CGNL1: variants seen among roughly 807,000 people sequenced by gnomAD.
CGNL1 encodes the protein cingulin like 1, also known as cingulin-like protein 1.
A neutral mutation model predicts 141.2 loss-of-function variants in CGNL1; 132 were observed. That is an observed-to-expected ratio of 0.93 (90% CI 0.81 to 1.08). The LOEUF (loss-of-function observed/expected upper bound fraction) is 1.08, where lower values mean the gene tolerates loss of function less well. Ranked by LOEUF, CGNL1 falls within the 50% of genes least tolerant of loss-of-function variation. The pLI, the probability that CGNL1 is intolerant of heterozygous loss-of-function variation, is 0.00. For synonymous variants in CGNL1, 690 were observed against 622.1 expected, an observed-to-expected ratio of 1.11 and a Z score of -1.63; for missense variants, 1,870 against 1,588.6, an observed-to-expected ratio of 1.18 and a Z score of -3.01.
At chr15:57,392,065 A>G (rs1353086829) in intron 1 of CGNL1, among the ~76,000 whole-genome samples, 1 of 152,054 alleles carries the variant, frequency 6.6e-6, no homozygotes, top group East Asian at 1.9e-4. Context: ...TTGATTGTGA[A>G]TATCAATTTC....
chr15:57,420,951 G>A (rs1016969337), intron 1 of CGNL1, among the ~76,000 whole-genome samples: 1 of 152,180 alleles, frequency 6.6e-6, no homozygotes, highest in Non-Finnish European at 1.5e-5. Context: ...TGGGCTGAAT[G>A]TGTCCTCACA....
At chr15:57,476,028 A>G (rs1009894188) in intron 8 of CGNL1, among the ~76,000 whole-genome samples, 2 of 152,202 alleles carry the variant, frequency 1.3e-5, no homozygotes, top group Admixed American at 6.5e-5. Flanking sequence ...TTTACTCAAC[A>G]CATCAAGCAT....
intron 7 of CGNL1, among the ~76,000 whole-genome samples, chr15:57,458,465 T>C (rs1016223689): frequency 4.6e-5 from 7 of 152,214 alleles, no homozygotes; most frequent in Non-Finnish European, 8.8e-5. Context: ...TAACAGCATG[T>C]CGTTGCAGAA....
At chr15:57,463,179 G>A (rs2063467689) in intron 8 of CGNL1, among the ~76,000 whole-genome samples, 1 of 152,146 alleles carries the variant, frequency 6.6e-6, no homozygotes, top group Non-Finnish European at 1.5e-5. Context: ...TGGGGGATAT[G>A]TTTGTAGTGA....
chr15:57,510,038 T>A (rs546713357), intron 8 of CGNL1, among the ~76,000 whole-genome samples: 5 of 152,328 alleles, frequency 3.3e-5, no homozygotes, highest in African/African-American at 1.2e-4. Context: ...CTGGAAGGAC[T>A]ATTAGAAGAT....
chr15:57,491,917 T>TA lies in CGNL1; in HGVS notation c.2404-24862dup, dbSNP rs1206633087. On this transcript the variant is annotated intron_variant, in intron 8 of 18. Transcript: ENST00000281282. The stretch of plus-strand genomic sequence containing the variant: ...CAGTATATGTAACTCCTGAAACTGT[T>TA]ACGGTCATCAAAACCAGGGAAAGTC... Among the ~76,000 whole-genome samples, 3 of 152,148 alleles carry TA rather than the reference T, an allele frequency of 2.0e-5. 1 individual carries two copies. The highest frequency in any genetic ancestry group is 2.9e-5 in the Non-Finnish European group (2 of 68,024).
chr15:57,528,093 C>G (rs1401154460), intron 12 of CGNL1, among the ~76,000 whole-genome samples: 1 of 152,076 alleles, frequency 6.6e-6, no homozygotes, highest in Non-Finnish European at 1.5e-5. Flanking sequence ...TCCATCTGTA[C>G]TAAAAATACA....
At chr15:57,397,529 A>C (rs2062615567) in intron 1 of CGNL1, among the ~76,000 whole-genome samples, 1 of 152,198 alleles carries the variant, frequency 6.6e-6, no homozygotes, top group Non-Finnish European at 1.5e-5. Context: ...TAATTTTTAT[A>C]ATGCTTCAAA....
intron 8 of CGNL1, among the ~76,000 whole-genome samples, chr15:57,508,331 C>G (rs1446345761): frequency 6.6e-6 from 1 of 152,068 alleles, no homozygotes; most frequent in Non-Finnish European, 1.5e-5. Context: ...TTCTGATGTT[C>G]TTCTTGGAGC....
chr15:57,481,235 A>G (rs2063722625), intron 8 of CGNL1, among the ~76,000 whole-genome samples: 1 of 152,196 alleles, frequency 6.6e-6, no homozygotes, highest in Non-Finnish European at 1.5e-5. Context: ...TGCAAACTAT[A>G]GTACAATAGC....
chr15:57,533,731 T>C (rs1214355073), intron 14 of CGNL1, among the ~76,000 whole-genome samples: 3 of 152,238 alleles, frequency 2.0e-5, no homozygotes, highest in Admixed American at 6.5e-5. Context: ...AGAATTGCTC[T>C]GGACACTTCT....
intron 16 of CGNL1, 39 bp downstream of exon 16, chr15:57,544,636 T>A (rs1486241282): frequency 2.3e-5 from 35 of 1,552,670 alleles, no homozygotes; most frequent in Non-Finnish European, 3.0e-5. Flanking sequence ...GAGGCCCCAG[T>A]GGGCAGTGAC....
chr15:57,447,822 G>GTGTGTGTGTGTT (rs1388697392), intron 4 of CGNL1, among the ~76,000 whole-genome samples: 1 of 144,418 alleles, frequency 6.9e-6, no homozygotes, highest in African/African-American at 2.9e-5. Flanking sequence ...GTGTGTGTGT[G>GTGTGTGTGTGTT]TGTGTGTGTG....
At chr15:57,451,473 T>C (rs757715458) in intron 4 of CGNL1, 27 bp from the exon 5 acceptor site, 8 of 1,477,350 alleles carry the variant, frequency 5.4e-6, no homozygotes, top group Non-Finnish European at 7.5e-6. Flanking sequence ...AACATTTAAA[T>C]TAGTATATCT....
chr15:57,549,872 C>T lies in CGNL1; in HGVS notation c.*2382C>T, dbSNP rs1380561297. 3.9e-5 allele frequency: 6 copies of T among 152,216 alleles called. No homozygotes were observed. Among genetic ancestry groups the T allele is most frequent in the South Asian group, 2.1e-4 (1 of 4,830 alleles). 9.4% of individuals were successfully genotyped at this position (152,216 alleles called of 1,614,324 possible). On this transcript the variant is annotated 3_prime_UTR_variant, in exon 19 of 19. Transcript: ENST00000281282. ...ATAATTTCCCTGCTGCTTCTCCCAT[C>T]GTTAGACATCTGCCAGTAAGCCTGC...
chr15:57,460,080 G>C (rs12913457), intron 7 of CGNL1, among the ~76,000 whole-genome samples: 26,326 of 152,090 alleles, frequency 0.17, 2,405 homozygotes, highest in Non-Finnish European at 0.19. Flanking sequence ...CATAGATTTT[G>C]GGAAGAGGGA....
intron 1 of CGNL1, among the ~76,000 whole-genome samples, chr15:57,391,896 A>ATTTCTGTTCTTT (rs1446697114): frequency 1.6e-4 from 25 of 152,212 alleles, no homozygotes; most frequent in Non-Finnish European, 3.4e-4. Context: ...AGGAAAGAAC[A>ATTTCTGTTCTTT]GAAAAGATGC....
intron 8 of CGNL1, among the ~76,000 whole-genome samples, chr15:57,486,579 A>G (rs184888095): frequency 6.6e-6 from 1 of 152,214 alleles, no homozygotes; most frequent in African/African-American, 2.4e-5. Flanking sequence ...CTGTGGATTG[A>G]TTGGAGAGAA....
intron 10 of CGNL1, among the ~76,000 whole-genome samples, chr15:57,521,009 C>T (rs772345855): frequency 5.9e-5 from 9 of 152,120 alleles, no homozygotes; most frequent in Admixed American, 1.3e-4. Context: ...ACCCGTGTTG[C>T]GCCTCAGATT....
Sources: allele counts gnomAD v4.1 joint callset (sites outside exome capture counted in the v4.1 genomes callset), GRCh38; gene constraint gnomAD v4.1.1; transcripts MANE v1.5; gene names NCBI Gene and HGNC (gene_info 2026-07-23, HGNC 2026-07-21).